The following PACRG variants were observed in gnomAD, a reference collection of about 807,000 sequenced individuals.
The protein encoded by PACRG is parkin coregulated.
In PACRG, 29 loss-of-function variants were observed where a neutral mutation model predicts 29.7. The observed-to-expected ratio is 0.98, with a 90% CI of 0.73 to 1.33. The LOEUF is 1.33. Among genes scored for constraint, PACRG ranks in the 40% most tolerant of loss-of-function variants. The pLI, the probability that PACRG is intolerant of heterozygous loss-of-function variation, is 0.00. For synonymous variants in PACRG, 116 were observed against 118.7 expected, an observed-to-expected ratio of 0.98 and a Z score of 0.15; for missense variants, 279 against 316.2, an observed-to-expected ratio of 0.88 and a Z score of 0.89.
chr6:162,835,780 C>A (rs935997250), intron 2 of PACRG, among the ~76,000 whole-genome samples: 6 of 152,040 alleles, frequency 3.9e-5, no homozygotes, highest in African/African-American at 9.7e-5. Context: ...TTAGGTCTTA[C>A]AATCTACCAT....
At chr6:162,846,214 C>T (rs1167572688) in intron 2 of PACRG, among the ~76,000 whole-genome samples, 1 of 152,148 alleles carries the variant, frequency 6.6e-6, no homozygotes. Context: ...GCCTGCTTTC[C>T]TAGCCCTGCC....
intron 1 of PACRG, among the ~76,000 whole-genome samples, chr6:162,800,669 T>C (rs1427532682): frequency 6.6e-6 from 1 of 152,214 alleles, no homozygotes; most frequent in Non-Finnish European, 1.5e-5. Context: ...ATAGCCTGTT[T>C]GAATTTCAGT....
chr6:163,021,118 A>G (rs1380001931), intron 2 of PACRG, among the ~76,000 whole-genome samples: 1 of 152,154 alleles, frequency 6.6e-6, no homozygotes, highest in African/African-American at 2.4e-5. Context: ...ACTTTAGCCC[A>G]GATTCTCTCC....
At chr6:163,239,997 C>T (rs1782424080) in intron 4 of PACRG, among the ~76,000 whole-genome samples, 1 of 150,764 alleles carries the variant, frequency 6.6e-6, no homozygotes, top group Non-Finnish European at 1.5e-5. Context: ...CACACACTCA[C>T]ACCCCCATGC....
intron 1 of PACRG, among the ~76,000 whole-genome samples, chr6:162,780,495 A>G (rs1205689014): frequency 6.6e-6 from 1 of 152,220 alleles, no homozygotes; most frequent in African/African-American, 2.4e-5. Flanking sequence ...AAAAAGTAAT[A>G]TCCAAAATGT....
chr6:163,119,229 T>C (rs1335376794), intron 4 of PACRG, among the ~76,000 whole-genome samples: 1 of 152,214 alleles, frequency 6.6e-6, no homozygotes, highest in Non-Finnish European at 1.5e-5. Flanking sequence ...TGGGGCCCAA[T>C]ACAGGCCACA....
In PACRG at chr6:162,819,678, T is replaced by C. The variant is rs991610156; in HGVS notation, c.291+5397T>C. Among the ~76,000 whole-genome samples the C allele has an allele frequency of 2.0e-5, 3 of 152,232 alleles. No homozygotes were observed. In the South Asian group the frequency reaches 6.2e-4, roughly 32 times the overall value. On this transcript the variant is annotated intron_variant, in intron 2 of 4. Coordinates refer to ENST00000366888, the MANE Select transcript of PACRG (RefSeq NM_001080379.2). Reference sequence around the variant, plus strand: ...CAGGGCAGGTGCCCAGGGATATTTGTTGAATGCAAGTAAAGCATACAGGAG... The same window carrying C: ...CAGGGCAGGTGCCCAGGGATATTTGCTGAATGCAAGTAAAGCATACAGGAG...
intron 2 of PACRG, among the ~76,000 whole-genome samples, chr6:162,926,106 A>G (rs150667634): frequency 1.3e-5 from 2 of 152,158 alleles, no homozygotes; most frequent in African/African-American, 4.8e-5. Context: ...AGGGATGTGA[A>G]GGACCTCTTC....
At chr6:163,246,137 A>G (rs748849255) in intron 4 of PACRG, among the ~76,000 whole-genome samples, 5 of 152,178 alleles carry the variant, frequency 3.3e-5, no homozygotes, top group African/African-American at 4.8e-5. Flanking sequence ...ACATCCTCCA[A>G]TGATATTCCA....
intron 2 of PACRG, among the ~76,000 whole-genome samples, chr6:162,983,657 G>A (rs1802624424): frequency 6.6e-6 from 1 of 151,980 alleles, no homozygotes; most frequent in Non-Finnish European, 1.5e-5. Flanking sequence ...TGGCTTGTAG[G>A]GTTTCTGCTA....
rs766839773 is a variant in PACRG at position 163,062,253 on chromosome 6, A to G, written c.395A>G (p.His132Arg). ...GAGTTTTTTGCTCGGCAAGGAATCC[A>G]CGACATGCTGGAACACGGTGGGAAC... Reference protein sequence around the residue: ...PYEFFARQGIHDMLEHGGNKI... With the variant: ...PYEFFARQGIRDMLEHGGNKI... The change falls in exon 3 of 5, where the codon CAC (histidine) becomes CGC (arginine). Residue 132 changes from histidine to arginine, a missense_variant. By Grantham distance (29) the His-to-Arg change is conservative. Coordinates refer to ENST00000366888, the MANE Select transcript of PACRG (RefSeq NM_001080379.2). 27 of 1,614,216 alleles carry G rather than the reference A, an allele frequency of 1.7e-5. No individual in the cohort carries two copies. The South Asian group carries it at 3.0e-4, about 18-fold the overall frequency.
intron 2 of PACRG, among the ~76,000 whole-genome samples, chr6:162,863,799 C>A (rs73019541): frequency 3.9e-4 from 60 of 152,168 alleles, no homozygotes; most frequent in Non-Finnish European, 7.6e-4. Context: ...TGGATAAAAC[C>A]AAGATTTGAA....
intron 2 of PACRG, among the ~76,000 whole-genome samples, chr6:162,833,788 T>A: frequency 6.6e-6 from 1 of 152,274 alleles, no homozygotes; most frequent in Middle Eastern, 3.4e-3. Context: ...TATAACAGTT[T>A]TACTTTTACT....
At chr6:163,156,893 G>A (rs1778344854) in intron 4 of PACRG, among the ~76,000 whole-genome samples, 1 of 152,132 alleles carries the variant, frequency 6.6e-6, no homozygotes, top group South Asian at 2.1e-4. Flanking sequence ...CACTCTGCCA[G>A]TTTAAGGACC....
At chr6:162,728,806 A>T (rs149646113) in intron 1 of PACRG, among the ~76,000 whole-genome samples, 14 of 152,304 alleles carry the variant, frequency 9.2e-5, no homozygotes. Context: ...CGGGAACATA[A>T]ACTCATGAAA....
intron 1 of PACRG, among the ~76,000 whole-genome samples, chr6:162,736,650 CTT>C (rs35823927): frequency 1.3e-4 from 18 of 140,736 alleles, no homozygotes; most frequent in Admixed American, 2.8e-4. Context: ...TATTTTCTGC[CTT>C]TTTTTTTTTG....
chr6:162,759,502 A>G (rs1167563667), intron 1 of PACRG, among the ~76,000 whole-genome samples: 2 of 152,252 alleles, frequency 1.3e-5, no homozygotes, highest in Non-Finnish European at 2.9e-5. Flanking sequence ...TTGAAAGAAT[A>G]GTGGGTATCA....
rs528887997 is a variant in PACRG, at chr6:163,108,392, C to CTTTTT, written c.613+19004_613+19008dup. ...AGCCAATTATACCTCTTCTCTTTCC[C>CTTTTT]TTTTTTTTTTTTTTTTTTTTTTTTG... On this transcript the variant is annotated intron_variant, in intron 4 of 4. Coordinates refer to ENST00000366888, the MANE Select transcript of PACRG (RefSeq NM_001080379.2). 7.7e-4 allele frequency among the ~76,000 whole-genome samples: 70 copies of CTTTTT among 90,538 alleles called. 1 individual carries two copies. Among genetic ancestry groups the CTTTTT allele is most frequent in the Non-Finnish European group, 9.1e-4 (46 of 50,590 alleles). The allele number at this position is 90,538 out of a possible 152,430, so 59.4% of individuals were successfully genotyped here.
intron 4 of PACRG, among the ~76,000 whole-genome samples, chr6:163,157,667 C>T (rs1273821561): frequency 6.6e-6 from 1 of 152,236 alleles, no homozygotes; most frequent in Non-Finnish European, 1.5e-5. Context: ...AGGATGTCAA[C>T]AGCCACTTCT....
Sources: gnomAD v4.1 joint callset for allele counts (sites outside exome capture counted in the v4.1 genomes callset) on GRCh38, gnomAD v4.1.1 for gene constraint, MANE v1.5 for transcripts, NCBI Gene and HGNC (gene_info 2026-07-23, HGNC 2026-07-21) for gene names.